The following TRABD2A variants were observed in gnomAD, a reference collection of about 807,000 sequenced individuals.
TRABD2A encodes TraB domain containing 2A.
TRABD2A carries 43 observed loss-of-function variants against 45.6 expected under a neutral mutation model. That is an observed-to-expected ratio of 0.94 (90% CI 0.74 to 1.22). TRABD2A has a LOEUF of 1.22. Ranked by LOEUF, TRABD2A falls within the 50% of genes most tolerant of loss-of-function variation. TRABD2A has a pLI of 0.00. For missense variants in TRABD2A, 642 were observed against 652.4 expected, an observed-to-expected ratio of 0.98 and a Z score of 0.17; for synonymous variants, 269 against 265.0, an observed-to-expected ratio of 1.02 and a Z score of -0.15.
In TRABD2A at chr2:84,839,304, G is replaced by T. The variant is rs551144289; in HGVS notation, c.836C>A (p.Ala279Asp). 1.2e-6 allele frequency: 2 copies of T among 1,608,398 alleles called. No individual in the cohort carries two copies. The highest frequency in any genetic ancestry group is 1.3e-5 in the African/African-American group (1 of 74,722). ...GATGCGCTCCTGAGGTGGTAGCGTG[G>T]CATTAATAAAATTGGGAACCTCCAC... is the stretch of plus-strand genomic sequence containing the variant. ...DSSQVPNFIN[A>D]TLPPQERITA... The change falls in exon 4 of 7, where the codon GCC becomes GAC. Residue 279 changes from alanine to aspartate, a missense_variant. Physicochemically the swap from Ala to Asp is moderately radical, Grantham distance 126. Coordinates refer to ENST00000409520, the MANE Select transcript of TRABD2A (RefSeq NM_001277053.2).
chr2:84,855,823 G>A (rs1159158783), intron 2 of TRABD2A, among the ~76,000 whole-genome samples: 2 of 152,136 alleles, frequency 1.3e-5, no homozygotes, highest in Non-Finnish European at 2.9e-5. Flanking sequence ...TGTTGCGTTA[G>A]CCCAGGGGTT....
chr2:84,843,351 G>A (rs574219173), intron 2 of TRABD2A, among the ~76,000 whole-genome samples: 17 of 152,282 alleles, frequency 1.1e-4, no homozygotes, highest in African/African-American at 3.4e-4. Flanking sequence ...CGCATTAGAG[G>A]TCTTAAGTCA....
At chr2:84,877,535 T>C (rs1193841904) in intron 1 of TRABD2A, among the ~76,000 whole-genome samples, 2 of 151,432 alleles carry the variant, frequency 1.3e-5, no homozygotes, top group African/African-American at 4.9e-5. Flanking sequence ...AGGCCTGGAG[T>C]TGAAGGTTAC....
At chr2:84,880,543 A>G (rs1683166114) in intron 1 of TRABD2A, among the ~76,000 whole-genome samples, 1 of 152,254 alleles carries the variant, frequency 6.6e-6, no homozygotes, top group Non-Finnish European at 1.5e-5. Flanking sequence ...AGAGCAGGTG[A>G]AATTAAACTC....
intron 2 of TRABD2A, among the ~76,000 whole-genome samples, chr2:84,862,841 C>T (rs940842733): frequency 2.6e-5 from 4 of 151,354 alleles, no homozygotes; most frequent in Non-Finnish European, 5.9e-5. Context: ...AAGTCTGCAC[C>T]TGCGAGCCCA....
chr2:84,851,044 T>C (rs1284642090), intron 2 of TRABD2A: 1 of 152,276 alleles, frequency 6.6e-6, no homozygotes, highest in African/African-American at 2.4e-5. Flanking sequence ...TAAGAAACAG[T>C]AGCTATGCTT....
Position 84,822,009 on chromosome 2 carries a change from G to A in TRABD2A, c.1426C>T (p.Gln476Ter), listed in dbSNP as rs377717113. Residue 476 changes from glutamine to a stop codon, truncating the protein, a stop_gained, in exon 7 of 7, where the codon CAG (glutamine) becomes TAG (stop). Transcript: ENST00000409520. LOFTEE classifies it high-confidence loss of function. ...AGGCAGGCACTGCTGGCCACCATCT[G>A]GCTGTGGTGGGAATGCCCACGGCGA... ...LPRRGHSHHS[Q>*]MVASSACLSL... 1.9e-6 allele frequency: 3 copies of A among 1,597,612 alleles called. No homozygotes were observed. The highest frequency in any genetic ancestry group is 2.6e-6 in the Non-Finnish European group (3 of 1,172,338).
chr2:84,869,629 CACA>C, intron 2 of TRABD2A, among the ~76,000 whole-genome samples: 1 of 152,260 alleles, frequency 6.6e-6, no homozygotes, highest in Admixed American at 6.5e-5. Flanking sequence ...TCCACATGTC[CACA>C]ACGTCTCAAA....
intron 2 of TRABD2A, among the ~76,000 whole-genome samples, chr2:84,859,911 C>A (rs1460532447): frequency 1.3e-5 from 2 of 152,034 alleles, no homozygotes; most frequent in African/African-American, 4.8e-5. Context: ...AATGGCCTAT[C>A]TGGCTCATGG....
chr2:84,845,195 A>G (rs1681841279), intron 2 of TRABD2A, among the ~76,000 whole-genome samples: 1 of 152,168 alleles, frequency 6.6e-6, no homozygotes. Flanking sequence ...TACTAAAAAT[A>G]CAAAAATTAG....
At chr2:84,840,659 G>C (rs2105381168) in intron 3 of TRABD2A, among the ~76,000 whole-genome samples, 1 of 152,226 alleles carries the variant, frequency 6.6e-6, no homozygotes, top group South Asian at 2.1e-4. Flanking sequence ...ACTTTTTTCT[G>C]CTGCTTCAAA....
At chr2:84,879,585 A>C (rs1377869791) in intron 1 of TRABD2A, 1 of 984,994 alleles carries the variant, frequency 1.0e-6, no homozygotes, top group African/African-American at 1.7e-5. Flanking sequence ...GATCTTATCC[A>C]GACTCACTCG....
intron 2 of TRABD2A, among the ~76,000 whole-genome samples, chr2:84,850,340 A>G (rs1682037673): frequency 1.3e-5 from 2 of 152,140 alleles, no homozygotes; most frequent in Admixed American, 1.3e-4. Flanking sequence ...CAATAATAAT[A>G]ATAGTATTCC....
intron 2 of TRABD2A, among the ~76,000 whole-genome samples, chr2:84,859,193 T>A (rs1573942344): frequency 6.6e-6 from 1 of 152,330 alleles, no homozygotes; most frequent in East Asian, 1.9e-4. Context: ...GAAATGATTC[T>A]GGGAAGATCA....
In TRABD2A at chr2:84,822,036, G is replaced by A. The variant is rs1400754089; in HGVS notation, c.1399C>T (p.Pro467Ser). 1.9e-6 allele frequency: 3 copies of A among 1,592,144 alleles called. No individual in the cohort carries two copies. The highest frequency in any genetic ancestry group is 2.6e-6 in the Non-Finnish European group (3 of 1,169,632). The change falls in exon 7 of 7, where the codon CCT becomes TCT. Residue 467 changes from proline (P) to serine (S), a missense_variant. By Grantham distance (74) the Pro-to-Ser change is moderately conservative. Transcript: ENST00000409520. Reference sequence around the variant, plus strand: ...CTGTGGTGGGAATGCCCACGGCGAGGGAGCCGCAGTTCAGTGGAGATGTGC... The same window carrying A: ...CTGTGGTGGGAATGCCCACGGCGAGAGAGCCGCAGTTCAGTGGAGATGTGC... The part of the protein sequence containing the change: ...DRHISTELRL[P>S]RRGHSHHSQM...
intron 1 of TRABD2A, among the ~76,000 whole-genome samples, chr2:84,879,831 G>A (rs1435833981): frequency 6.6e-6 from 1 of 152,194 alleles, no homozygotes; most frequent in African/African-American, 2.4e-5. Context: ...TTCCCAGCCC[G>A]GAGCTCCAGG....
intron 2 of TRABD2A, among the ~76,000 whole-genome samples, chr2:84,853,075 C>A (rs981358508): frequency 2.0e-5 from 3 of 151,972 alleles, no homozygotes; most frequent in Non-Finnish European, 4.4e-5. Flanking sequence ...CAAGCTCTTG[C>A]AGATATATTT....
chr2:84,856,979 G>C (rs1682332616), intron 2 of TRABD2A, among the ~76,000 whole-genome samples: 1 of 152,212 alleles, frequency 6.6e-6, no homozygotes, highest in South Asian at 2.1e-4. Flanking sequence ...CTTGTAAAAA[G>C]AGGAAGAGTC....
intron 5 of TRABD2A, among the ~76,000 whole-genome samples, chr2:84,828,590 A>G (rs1001525297): frequency 6.6e-6 from 1 of 152,094 alleles, no homozygotes; most frequent in African/African-American, 2.4e-5. Context: ...ATCCTCCCTC[A>G]TGGCTTCACC....
Sources: allele counts gnomAD v4.1 joint callset (sites outside exome capture counted in the v4.1 genomes callset), GRCh38; gene constraint gnomAD v4.1.1; transcripts MANE v1.5; gene names NCBI Gene and HGNC (gene_info 2026-07-23, HGNC 2026-07-21).